ZFAT: variants seen among roughly 807,000 people sequenced by gnomAD.
ZFAT encodes the protein zinc finger and AT-hook domain containing, also known as zinc finger protein ZFAT.
Under a neutral mutation model 117.7 loss-of-function variants are expected in ZFAT, and 64 were observed. That is an observed-to-expected ratio of 0.54 (90% CI 0.44 to 0.67). The LOEUF is 0.67. ZFAT is among the 30% of genes least tolerant of loss of function. ZFAT has a pLI of 0.00. For synonymous variants in ZFAT, 679 were observed against 615.0 expected, an observed-to-expected ratio of 1.10 and a Z score of -1.54; for missense variants, 1,433 against 1,584.5, an observed-to-expected ratio of 0.90 and a Z score of 1.62.
At chr8:134,739,253 A>T in the ZFAT span, among the ~76,000 whole-genome samples, 1 of 151,964 alleles carries the variant, frequency 6.6e-6, no homozygotes, top group African/African-American at 2.4e-5. Flanking sequence ...AGCAGCAAGT[A>T]TCTACAGAGA....
intron 11 of ZFAT, among the ~76,000 whole-genome samples, chr8:134,535,145 G>A (rs1212984198): frequency 6.6e-6 from 1 of 152,180 alleles, no homozygotes; most frequent in Non-Finnish European, 1.5e-5. Context: ...AATGTGAAAT[G>A]CTGGATCTCT....
rs532565473 is a variant in ZFAT, at chr8:134,592,906, G to A, written c.2476-2551C>T. Among the ~76,000 whole-genome samples, 16 of 152,326 alleles carry A rather than the reference G, an allele frequency of 1.1e-4. No individual in the cohort carries two copies. In the South Asian group the frequency reaches 3.1e-3, roughly 30 times the overall value. ...TCGATGCATTTCCCACCAAACATCT[G>A]AATACCAAGCAACGACAGCCAACCA... On this transcript the variant is annotated intron_variant, in intron 7 of 15. Transcript: ENST00000377838.
At chr8:134,576,247 C>T (rs1825289775) in intron 10 of ZFAT, among the ~76,000 whole-genome samples, 2 of 152,202 alleles carry the variant, frequency 1.3e-5, no homozygotes, top group Admixed American at 1.3e-4. Context: ...AGTATGGGCC[C>T]ACTTATTCCC....
chr8:134,677,998 A>C (rs1048712354), intron 1 of ZFAT, among the ~76,000 whole-genome samples: 1 of 152,252 alleles, frequency 6.6e-6, no homozygotes, highest in African/African-American at 2.4e-5. Flanking sequence ...ATCGTATTGA[A>C]TGGGCAAAAA....
chr8:134,597,007 A>AT (rs1250520794), intron 7 of ZFAT, among the ~76,000 whole-genome samples: 1 of 149,696 alleles, frequency 6.7e-6, no homozygotes, highest in Admixed American at 6.7e-5. Context: ...AAAAAAAAAA[A>AT]TTTGATTTCA....
the ZFAT span, among the ~76,000 whole-genome samples, chr8:134,751,832 A>C: frequency 6.6e-6 from 1 of 152,196 alleles, no homozygotes; most frequent in Non-Finnish European, 1.5e-5. Context: ...CATTAGCCTA[A>C]CCCAACTCTT....
At chr8:134,802,697 C>T in the ZFAT span, among the ~76,000 whole-genome samples, 2 of 152,180 alleles carry the variant, frequency 1.3e-5, no homozygotes, top group Non-Finnish European at 2.9e-5. Context: ...AAATGTTTTA[C>T]TTTAAATATC....
At chr8:134,542,799 C>A (rs1233241452) in intron 11 of ZFAT, among the ~76,000 whole-genome samples, 4 of 152,146 alleles carry the variant, frequency 2.6e-5, no homozygotes, top group Non-Finnish European at 4.4e-5. Flanking sequence ...ATGTACCAAG[C>A]CCCAAATAAC....
chr8:134,625,847 G>A (rs954163896), intron 3 of ZFAT, among the ~76,000 whole-genome samples: 2 of 152,176 alleles, frequency 1.3e-5, no homozygotes, highest in Non-Finnish European at 1.5e-5. Flanking sequence ...CATGGTCACC[G>A]TGAGACCGTT....
chr8:134,645,723 T>G lies in ZFAT; in HGVS notation c.197-8011A>C, dbSNP rs76184123. ...TCCTCTGAGTCTCTAAGCCACATAT[T>G]CCTCAATTATAAAATCTGGGCATCA... On this transcript the variant is annotated intron_variant, in intron 2 of 15. Coordinates refer to ENST00000377838, the MANE Select transcript of ZFAT (RefSeq NM_020863.4). Among the ~76,000 whole-genome samples, 862 of 152,244 alleles carry G rather than the reference T, an allele frequency of 5.7e-3. 6 individuals are homozygous for G. Among genetic ancestry groups the G allele is most frequent in the Non-Finnish European group, 8.6e-3 (588 of 68,024 alleles).
Position 134,602,444 on chromosome 8 carries a change from G to T in ZFAT, c.1275C>A (p.Val425=), listed in dbSNP as rs766817243. ...NELDRDRHML[V]HGDKWPFACE... Reference sequence around the variant, plus strand: ...AGGCAAAAGGCCACTTGTCTCCGTGGACCAGCATATGGCGGTCACGGTCCA... The same window carrying T: ...AGGCAAAAGGCCACTTGTCTCCGTGTACCAGCATATGGCGGTCACGGTCCA... Residue 425 remains valine (V), a synonymous_variant, in exon 6 of 16, where the codon GTC becomes GTA. Transcript: ENST00000377838. 2.5e-6 allele frequency: 4 copies of T among 1,613,980 alleles called. No individual in the cohort carries two copies. The highest frequency in any genetic ancestry group is 3.4e-6 in the Non-Finnish European group (4 of 1,180,004).
At chr8:134,711,443 C>T (rs572068311) in intron 1 of ZFAT, among the ~76,000 whole-genome samples, 1 of 152,172 alleles carries the variant, frequency 6.6e-6, no homozygotes, top group South Asian at 2.1e-4. Context: ...TCATTTTAGG[C>T]TAACCTAAGA....
chr8:134,776,980 C>T, the ZFAT span, among the ~76,000 whole-genome samples: 37 of 152,264 alleles, frequency 2.4e-4, no homozygotes, highest in Admixed American at 1.1e-3. Context: ...CTCTTCCATC[C>T]TTACAGAGAA....
chr8:134,552,811 G>C (rs1295694503), intron 11 of ZFAT, among the ~76,000 whole-genome samples: 1 of 152,222 alleles, frequency 6.6e-6, no homozygotes, highest in Non-Finnish European at 1.5e-5. Context: ...TCACACTGAA[G>C]AATCTCCAAA....
the ZFAT span, among the ~76,000 whole-genome samples, chr8:134,764,448 T>C: frequency 6.6e-6 from 1 of 152,262 alleles, no homozygotes; most frequent in Non-Finnish European, 1.5e-5. Context: ...GTTTAATGAT[T>C]GCTGTATGTA....
At chr8:134,713,137 A>C, upstream of ZFAT, 3 of 347,440 alleles carry the variant, frequency 8.6e-6, no homozygotes, top group African/African-American at 2.1e-5. Context: ...GGCCGAGCTA[A>C]CGCGCATGCT....
intron 1 of ZFAT, among the ~76,000 whole-genome samples, chr8:134,690,757 A>G (rs562817293): frequency 6.6e-6 from 1 of 152,322 alleles, no homozygotes; most frequent in East Asian, 1.9e-4. Context: ...AAAATACAAA[A>G]TAAATATTTA....
chr8:134,676,752 G>C (rs1035635812), intron 1 of ZFAT, among the ~76,000 whole-genome samples: 5 of 152,194 alleles, frequency 3.3e-5, no homozygotes, highest in African/African-American at 4.8e-5. Flanking sequence ...CAGTCTCTCA[G>C]ACCACAGTGC....
At chr8:134,644,358 C>T (rs890494019) in intron 2 of ZFAT, among the ~76,000 whole-genome samples, 1 of 152,162 alleles carries the variant, frequency 6.6e-6, no homozygotes, top group African/African-American at 2.4e-5. Flanking sequence ...ACGAGGCTCT[C>T]GGGAGACCCA....
Sources: allele counts gnomAD v4.1 joint callset (sites outside exome capture counted in the v4.1 genomes callset), GRCh38; gene constraint gnomAD v4.1.1; transcripts MANE v1.5; gene names NCBI Gene and HGNC (gene_info 2026-07-23, HGNC 2026-07-21).